PXDNL: variants seen among roughly 807,000 people sequenced by gnomAD.
The protein encoded by PXDNL is peroxidasin like.
A neutral mutation model predicts 150.8 loss-of-function variants in PXDNL; 145 were observed. The ratio of observed to expected loss-of-function variants is 0.96; its 90% CI spans 0.84 to 1.10. The LOEUF (loss-of-function observed/expected upper bound fraction) is 1.10, where lower values mean the gene tolerates loss of function less well. PXDNL is among the 50% of genes least tolerant of loss of function. The pLI is 0.00. For synonymous variants in PXDNL, 757 were observed against 725.7 expected (o/e 1.04, Z -0.69); for missense variants, 2,087 against 1,873.9 (o/e 1.11, Z -2.10).
intron 1 of PXDNL, among the ~76,000 whole-genome samples, chr8:51,686,771 C>G (rs1051403548): frequency 2.0e-5 from 3 of 151,704 alleles, no homozygotes; most frequent in African/African-American, 7.3e-5. Context: ...AAAAATGAAA[C>G]AAGTGACAAA....
At chr8:51,486,750 TTATATATATATATATATATA>T (rs1174441907) in intron 5 of PXDNL, among the ~76,000 whole-genome samples, 35 of 36,334 alleles carry the variant, frequency 9.6e-4, no homozygotes, top group East Asian at 4.7e-3. Flanking sequence ...GTTAAAAAGT[TTATATATATATATATATATA>T]TATATATATA....
intron 5 of PXDNL, 24 bp downstream of exon 5, chr8:51,499,675 G>A: frequency 6.4e-7 from 1 of 1,558,718 alleles, no homozygotes. Flanking sequence ...AGAAGCAAAG[G>A]ACATCTAAAG....
intron 2 of PXDNL, among the ~76,000 whole-genome samples, chr8:51,643,789 A>G (rs369014671): frequency 1.6e-4 from 24 of 152,146 alleles, no homozygotes; most frequent in East Asian, 1.3e-3. Flanking sequence ...TTTGCAATCT[A>G]CTCATCTGAC....
intron 2 of PXDNL, among the ~76,000 whole-genome samples, chr8:51,629,405 C>T (rs909811459): frequency 1.3e-5 from 2 of 151,814 alleles, no homozygotes; most frequent in Non-Finnish European, 2.9e-5. Context: ...GAAAAATGAA[C>T]AGAACCTAAG....
chr8:51,658,615 AGT>A (rs1338227936), intron 1 of PXDNL, among the ~76,000 whole-genome samples: 1 of 152,132 alleles, frequency 6.6e-6, no homozygotes, highest in African/African-American at 2.4e-5. Flanking sequence ...GGCCTTGCAC[AGT>A]GTATTACCTA....
chr8:51,372,621 G>C (rs1807159307), intron 18 of PXDNL, among the ~76,000 whole-genome samples: 1 of 152,222 alleles, frequency 6.6e-6, no homozygotes, highest in Non-Finnish European at 1.5e-5. Context: ...CTGGCCTCAA[G>C]TGATCTGCCC....
At chr8:51,723,869 T>C (rs1354543032) in intron 1 of PXDNL, among the ~76,000 whole-genome samples, 1 of 151,854 alleles carries the variant, frequency 6.6e-6, no homozygotes, top group Non-Finnish European at 1.5e-5. Flanking sequence ...ACAGTAAAAC[T>C]GGTAGCAGGG....
intron 2 of PXDNL, among the ~76,000 whole-genome samples, chr8:51,611,679 GGC>G (rs1352021463): frequency 1.3e-5 from 2 of 152,222 alleles, no homozygotes; most frequent in Non-Finnish European, 2.9e-5. Flanking sequence ...GAGGGAGCAC[GGC>G]ACTCTGGAGG....
At chr8:51,610,314 G>C (rs1381495510) in intron 2 of PXDNL, among the ~76,000 whole-genome samples, 1 of 151,968 alleles carries the variant, frequency 6.6e-6, no homozygotes, top group Admixed American at 6.6e-5. Context: ...CCATAGTTCT[G>C]GAGCTATAAA....
intron 1 of PXDNL, among the ~76,000 whole-genome samples, chr8:51,669,958 T>C (rs551989786): frequency 4.6e-5 from 7 of 152,272 alleles, no homozygotes; most frequent in African/African-American, 1.7e-4. Flanking sequence ...TGCTTCAGGC[T>C]GAGCACGGTG....
intron 2 of PXDNL, among the ~76,000 whole-genome samples, chr8:51,605,648 A>C (rs1813823716): frequency 6.6e-6 from 1 of 152,326 alleles, no homozygotes; most frequent in African/African-American, 2.4e-5. Context: ...TAAAAGAAAA[A>C]TTATAGTTAG....
intron 4 of PXDNL, among the ~76,000 whole-genome samples, chr8:51,514,569 T>C (rs1811495718): frequency 6.6e-6 from 1 of 152,174 alleles, no homozygotes; most frequent in Non-Finnish European, 1.5e-5. Flanking sequence ...CATCTTCCAA[T>C]AGTACAATCT....
chr8:51,375,440 C>T (rs1807272269), intron 17 of PXDNL, among the ~76,000 whole-genome samples: 1 of 152,202 alleles, frequency 6.6e-6, no homozygotes, highest in African/African-American at 2.4e-5. Flanking sequence ...GTGACACCAA[C>T]TTAACTTGTC....
At chr8:51,765,565 T>C (rs2037219452) in intron 1 of PXDNL, among the ~76,000 whole-genome samples, 1 of 152,206 alleles carries the variant, frequency 6.6e-6, no homozygotes, top group Non-Finnish European at 1.5e-5. Context: ...TACAATATAG[T>C]TGGTTCATGC....
At chr8:51,544,643 A>T (rs1411447568) in intron 4 of PXDNL, among the ~76,000 whole-genome samples, 1 of 152,206 alleles carries the variant, frequency 6.6e-6, no homozygotes, top group African/African-American at 2.4e-5. Flanking sequence ...AATAAGGCTA[A>T]CAAATCCTTC....
chr8:51,386,031 G>A (rs181554834), intron 17 of PXDNL, among the ~76,000 whole-genome samples: 21 of 152,034 alleles, frequency 1.4e-4, no homozygotes, highest in South Asian at 8.3e-4. Context: ...AGCAGATAAC[G>A]AATAAAAGAA....
At chr8:51,350,092 C>T (rs1270459265) in intron 19 of PXDNL, among the ~76,000 whole-genome samples, 1 of 151,654 alleles carries the variant, frequency 6.6e-6, no homozygotes, top group Admixed American at 6.6e-5. Flanking sequence ...CGGACACACA[C>T]GAGGAGTGGG....
chr8:51,680,659 C>T (rs1471163567), intron 1 of PXDNL, among the ~76,000 whole-genome samples: 8 of 152,158 alleles, frequency 5.3e-5, no homozygotes, highest in South Asian at 2.1e-4. Flanking sequence ...CACGGAGGTG[C>T]GAGGCCACAG....
intron 19 of PXDNL, among the ~76,000 whole-genome samples, chr8:51,367,468 G>A (rs1346375980): frequency 2.0e-5 from 3 of 152,140 alleles, no homozygotes; most frequent in Non-Finnish European, 4.4e-5. Flanking sequence ...TAATATAATT[G>A]TTTGTGGAAT....
Sources: allele counts gnomAD v4.1 joint callset (sites outside exome capture counted in the v4.1 genomes callset), GRCh38; gene constraint gnomAD v4.1.1; transcripts MANE v1.5; gene names NCBI Gene and HGNC (gene_info 2026-07-23, HGNC 2026-07-21).